PTPRD: variants seen among roughly 807,000 people sequenced by gnomAD.
The protein encoded by PTPRD is receptor-type tyrosine-protein phosphatase delta.
A neutral mutation model predicts 214.5 loss-of-function variants in PTPRD; 34 were observed. The observed-to-expected ratio is 0.16, with a 90% CI of 0.12 to 0.21. PTPRD has a LOEUF of 0.21. Ranked by LOEUF, PTPRD falls within the 10% of genes least tolerant of loss-of-function variation. The probability of loss-of-function intolerance (pLI) is 1.00; values close to 1 mark genes in which losing one functional copy is unlikely to be tolerated. For synonymous variants in PTPRD, 1,128 were observed against 845.7 expected, an observed-to-expected ratio of 1.33 and a Z score of -5.79; for missense variants, 2,545 against 2,398.7, an observed-to-expected ratio of 1.06 and a Z score of -1.27.
chr9:8,777,735 C>T (rs541401055), intron 11 of PTPRD, among the ~76,000 whole-genome samples: 1 of 152,088 alleles, frequency 6.6e-6, no homozygotes, highest in African/African-American at 2.4e-5. Context: ...GAATTGAAAG[C>T]CTTATTTACT....
intron 3 of PTPRD, among the ~76,000 whole-genome samples, chr9:10,163,750 A>C (rs1470059513): frequency 1.3e-5 from 2 of 151,402 alleles, no homozygotes; most frequent in Non-Finnish European, 3.0e-5. Flanking sequence ...CCTCTTCAAA[A>C]ATATATTGAA....
intron 35 of PTPRD, among the ~76,000 whole-genome samples, chr9:8,420,837 G>C (rs1319763348): frequency 1.4e-5 from 2 of 143,386 alleles, no homozygotes; most frequent in African/African-American, 5.2e-5. Flanking sequence ...AAAATATAAA[G>C]ACACTGAGAG....
At chr9:8,390,016 C>T (rs1034460469) in intron 36 of PTPRD, among the ~76,000 whole-genome samples, 1 of 152,038 alleles carries the variant, frequency 6.6e-6, no homozygotes, top group Non-Finnish European at 1.5e-5. Context: ...CTAGGCTACT[C>T]GTATGTGTCT....
At chr9:8,945,947 C>A (rs961968413) in intron 11 of PTPRD, among the ~76,000 whole-genome samples, 1 of 152,164 alleles carries the variant, frequency 6.6e-6, no homozygotes, top group Non-Finnish European at 1.5e-5. Flanking sequence ...GTAATATATT[C>A]TCCTCACCTA....
intron 7 of PTPRD, among the ~76,000 whole-genome samples, chr9:9,711,337 G>T (rs2097725239): frequency 6.6e-6 from 1 of 152,042 alleles, no homozygotes; most frequent in Admixed American, 6.6e-5. Context: ...TAAGACGGCA[G>T]TTTCCAAGAA....
intron 4 of PTPRD, among the ~76,000 whole-genome samples, chr9:9,972,209 T>C (rs1196797805): frequency 5.3e-5 from 8 of 152,198 alleles, no homozygotes; most frequent in African/African-American, 1.7e-4. Context: ...TTAACATTTC[T>C]AGTAGTGTTC....
At chr9:10,054,917 G>A (rs755635410) in intron 3 of PTPRD, among the ~76,000 whole-genome samples, 11 of 152,026 alleles carry the variant, frequency 7.2e-5, no homozygotes, top group Non-Finnish European at 1.5e-4. Flanking sequence ...GGGTCTTTAG[G>A]AGATAATTAG....
intron 12 of PTPRD, among the ~76,000 whole-genome samples, chr9:8,730,780 C>T (rs966972145): frequency 1.3e-5 from 2 of 152,152 alleles, no homozygotes; most frequent in African/African-American, 2.4e-5. Flanking sequence ...GAATGGTTCT[C>T]GGAGCACTAC....
intron 10 of PTPRD, among the ~76,000 whole-genome samples, chr9:9,045,679 T>A (rs1190204702): frequency 6.6e-6 from 1 of 152,160 alleles, no homozygotes; most frequent in East Asian, 1.9e-4. Flanking sequence ...TCTGCATAAA[T>A]TCTCCTCTCA....
chr9:10,463,884 C>A (rs1420575725), intron 2 of PTPRD, among the ~76,000 whole-genome samples: 1 of 151,932 alleles, frequency 6.6e-6, no homozygotes, highest in African/African-American at 2.4e-5. Flanking sequence ...AATTTACCAT[C>A]AAAATACCCC....
At chr9:10,472,857 A>G (rs1461525269) in intron 2 of PTPRD, among the ~76,000 whole-genome samples, 4 of 152,054 alleles carry the variant, frequency 2.6e-5, no homozygotes, top group South Asian at 2.1e-4. Context: ...TTATTTAAAA[A>G]TATTTCAAAA....
In PTPRD at chr9:8,633,303, A is replaced by G. The variant is rs750375647; in HGVS notation, c.352+14T>C. On this transcript the variant is annotated intron_variant, in intron 14 of 45. Transcript: ENST00000381196. ...AACAATGACACAAACGACAACCTTCACTTGAGCACTTACCCCGCAAAACTG... is the reference window on the plus strand; with the variant it reads ...AACAATGACACAAACGACAACCTTCGCTTGAGCACTTACCCCGCAAAACTG... The G allele has an allele frequency of 3.7e-6, 6 of 1,607,544 alleles. No individual in the cohort carries two copies. In the African/African-American group the frequency reaches 8.1e-5, roughly 22 times the overall value.
At chr9:10,053,101 T>A (rs929457435) in intron 3 of PTPRD, among the ~76,000 whole-genome samples, 2 of 152,160 alleles carry the variant, frequency 1.3e-5, no homozygotes, top group African/African-American at 4.8e-5. Flanking sequence ...GTTTTGCCCT[T>A]GAGATGCTGA....
intron 9 of PTPRD, among the ~76,000 whole-genome samples, chr9:9,234,556 C>T (rs1437505134): frequency 6.6e-6 from 1 of 152,138 alleles, no homozygotes; most frequent in Non-Finnish European, 1.5e-5. Flanking sequence ...ATGACATCAC[C>T]CGGCTGCAAA....
intron 3 of PTPRD, among the ~76,000 whole-genome samples, chr9:10,230,461 T>TATCC (rs1212015226): frequency 5.3e-5 from 8 of 151,818 alleles, no homozygotes; most frequent in Admixed American, 1.3e-4. Context: ...TCTATCTATC[T>TATCC]ATCTATCTAT....
At chr9:9,784,500 TTTTCCTGTTTCACAAA>T (rs1425707470) in intron 5 of PTPRD, among the ~76,000 whole-genome samples, 1 of 152,082 alleles carries the variant, frequency 6.6e-6, no homozygotes, top group East Asian at 1.9e-4. Context: ...ACTACTTTCT[TTTTCCTGTTTCACAAA>T]TTTCCTTCCA....
At chr9:8,720,331 C>A (rs1388786282) in intron 12 of PTPRD, among the ~76,000 whole-genome samples, 2 of 152,232 alleles carry the variant, frequency 1.3e-5, no homozygotes, top group African/African-American at 4.8e-5. Flanking sequence ...AAAGTAGAAG[C>A]TTCCAGGCTG....
intron 10 of PTPRD, among the ~76,000 whole-genome samples, chr9:9,070,424 C>A (rs969517090): frequency 6.6e-6 from 1 of 152,030 alleles, no homozygotes; most frequent in African/African-American, 2.4e-5. Flanking sequence ...GTAGCAACAT[C>A]GATCCAAATG....
chr9:9,825,271 C>G (rs1005566202), intron 5 of PTPRD, among the ~76,000 whole-genome samples: 4 of 150,456 alleles, frequency 2.7e-5, no homozygotes, highest in African/African-American at 9.8e-5. Flanking sequence ...AGCTTCTCAA[C>G]CTCTGAAATA....
Sources: gnomAD v4.1 joint callset for allele counts (sites outside exome capture counted in the v4.1 genomes callset) on GRCh38, gnomAD v4.1.1 for gene constraint, MANE v1.5 for transcripts, NCBI Gene and HGNC (gene_info 2026-07-23, HGNC 2026-07-21) for gene names.